The following SMIM14 variants were observed in gnomAD, a reference collection of about 807,000 sequenced individuals.
The protein encoded by SMIM14 is small integral membrane protein 14.
In SMIM14, 5 loss-of-function variants were observed where a neutral mutation model predicts 12.6. The ratio of observed to expected loss-of-function variants is 0.40; its 90% confidence interval spans 0.21 to 0.83. The LOEUF is 0.83. Among genes scored for constraint, SMIM14 ranks in the 40% least tolerant of loss-of-function variants. The probability of loss-of-function intolerance (pLI) is 0.37; values close to 1 mark genes in which losing one functional copy is unlikely to be tolerated. For missense variants in SMIM14, 86 were observed against 119.1 expected, an observed-to-expected ratio of 0.72 and a Z score of 1.29; for synonymous variants, 30 against 40.1, an observed-to-expected ratio of 0.75 and a Z score of 0.95.
At chr4:39,578,883 C>A (rs1713341308) in intron 2 of SMIM14, among the ~76,000 whole-genome samples, 1 of 151,572 alleles carries the variant, frequency 6.6e-6, no homozygotes, top group Admixed American at 6.6e-5. Flanking sequence ...GTAATCCCAG[C>A]TACTCGGGAG....
At chr4:39,583,853 T>A (rs1713641369) in intron 2 of SMIM14, 1 of 152,134 alleles carries the variant, frequency 6.6e-6, no homozygotes, top group Non-Finnish European at 1.5e-5. Context: ...TGCACCAGTA[T>A]TTCATTTAAT....
rs1191672357 is a variant in SMIM14 at position 39,549,659 on chromosome 4, G to C, written c.*2467C>G. 1 of 152,210 alleles carries C rather than the reference G, an allele frequency of 6.6e-6. No individual in the cohort carries two copies. The highest frequency in any genetic ancestry group is 1.5e-5 in the Non-Finnish European group (1 of 68,034). 9.4% of individuals were successfully genotyped at this position (152,210 alleles called of 1,614,324 possible). On this transcript the variant is annotated 3_prime_UTR_variant, in exon 5 of 5. Coordinates refer to ENST00000295958, the MANE Select transcript of SMIM14 (RefSeq NM_174921.3). ...TGCCAGGGATTGGCCTAACAGCTCAGAGAACAGATTGTTAGGATATATGGG... is the reference window on the plus strand; with the variant it reads ...TGCCAGGGATTGGCCTAACAGCTCACAGAACAGATTGTTAGGATATATGGG...
In SMIM14 at chr4:39,571,392, A is replaced by C. The variant is rs149601339; in HGVS notation, c.124+1023T>G. Among the ~76,000 whole-genome samples, 452 of 152,166 alleles carry C rather than the reference A, an allele frequency of 3.0e-3. 4 individuals carry two copies. The highest frequency in any genetic ancestry group is 0.01 in the African/African-American group (426 of 41,540). ...CAGGAGTTTAAGACCCATGTGGGCA[A>C]CATGGGAAGACCGTGACTCTACAAA... On this transcript the variant is annotated intron_variant, in intron 3 of 4. Coordinates refer to ENST00000295958, the MANE Select transcript of SMIM14 (RefSeq NM_174921.3).
intron 2 of SMIM14, among the ~76,000 whole-genome samples, chr4:39,577,917 T>G (rs1004376441): frequency 2.6e-5 from 4 of 152,138 alleles, no homozygotes; most frequent in Non-Finnish European, 5.9e-5. Context: ...GACGGCTACA[T>G]TCCTCATATT....
intron 3 of SMIM14, among the ~76,000 whole-genome samples, chr4:39,563,914 C>T (rs1712446514): frequency 6.6e-6 from 1 of 151,222 alleles, no homozygotes; most frequent in African/African-American, 2.4e-5. Flanking sequence ...CCTTCTCTTC[C>T]TCTTCTTCTT....
intron 3 of SMIM14, among the ~76,000 whole-genome samples, chr4:39,563,032 C>T (rs1712395195): frequency 6.6e-6 from 1 of 151,910 alleles, no homozygotes; most frequent in African/African-American, 2.4e-5. Context: ...AAAATGCATC[C>T]TCTGCTCTAG....
rs1157001478 is a variant in SMIM14, at chr4:39,615,926, T to C, written c.-35-10746A>G. ...TCTGAATTGTGGATTACTGAAAATT[T>C]AAAAAACTATAAAGAACCCAAATGT... On this transcript the variant is annotated intron_variant, in intron 1 of 4. Transcript: ENST00000295958. 2.6e-5 allele frequency among the ~76,000 whole-genome samples: 4 copies of C among 152,188 alleles called. No homozygotes were observed. The East Asian group carries it at 7.7e-4, about 29-fold the overall frequency.
At chr4:39,560,250 C>CTTTTTTTTTTTTT (rs773257583) in intron 3 of SMIM14, among the ~76,000 whole-genome samples, 1 of 140,760 alleles carries the variant, frequency 7.1e-6, no homozygotes, top group Non-Finnish European at 1.5e-5. Context: ...CTTTTCTTTT[C>CTTTTTTTTTTTTT]TTTTTTTTTT....
chr4:39,615,669 A>C (rs144569363), intron 1 of SMIM14, among the ~76,000 whole-genome samples: 24 of 152,294 alleles, frequency 1.6e-4, no homozygotes, highest in African/African-American at 5.8e-4. Flanking sequence ...TTTCCTGTGA[A>C]CCTAAAACTG....
intron 1 of SMIM14, chr4:39,638,034 G>C (rs1200921399): frequency 6.6e-6 from 1 of 152,138 alleles, no homozygotes; most frequent in Admixed American, 6.6e-5. Context: ...AAACCATCTC[G>C]GCTAAAATCC....
At chr4:39,572,035 C>T (rs1712917545) in intron 3 of SMIM14, among the ~76,000 whole-genome samples, 2 of 151,926 alleles carry the variant, frequency 1.3e-5, no homozygotes, top group South Asian at 4.1e-4. Flanking sequence ...AACTCCTGGA[C>T]TCAAACGATC....
intron 3 of SMIM14, among the ~76,000 whole-genome samples, chr4:39,563,069 A>AT (rs998773886): frequency 2.7e-5 from 4 of 149,688 alleles, no homozygotes; most frequent in Admixed American, 6.6e-5. Flanking sequence ...TCTTTTTTTT[A>AT]TTTTTTTTGA....
intron 1 of SMIM14, among the ~76,000 whole-genome samples, chr4:39,634,997 A>C (rs976399027): frequency 1.3e-5 from 2 of 152,254 alleles, no homozygotes; most frequent in African/African-American, 4.8e-5. Context: ...TAGGAGACGG[A>C]ACATTTTTTT....
In SMIM14 at chr4:39,581,006, C is replaced by G. The variant is rs183293119; in HGVS notation, c.76-8543G>C. ...TTTTCACATCATTGCAATATTATAG[C>G]TAATATCACGTGCTTAATTAAGAAA... On this transcript the variant is annotated intron_variant, in intron 2 of 4. Coordinates refer to ENST00000295958, the MANE Select transcript of SMIM14 (RefSeq NM_174921.3). Among the ~76,000 whole-genome samples the G allele has an allele frequency of 8.3e-4, 126 of 152,186 alleles. 5 individuals are homozygous for G. In the East Asian group the frequency reaches 0.015, roughly 18 times the overall value.
intron 1 of SMIM14, among the ~76,000 whole-genome samples, chr4:39,615,509 T>C (rs926587740): frequency 2.0e-5 from 3 of 152,160 alleles, no homozygotes; most frequent in African/African-American, 7.2e-5. Context: ...TGAACCCTAA[T>C]GTAAACTATG....
chr4:39,594,351 T>G (rs1241610598), intron 2 of SMIM14: 1 of 152,224 alleles, frequency 6.6e-6, no homozygotes, highest in Non-Finnish European at 1.5e-5. Context: ...GCTAGCCATA[T>G]GTAGAAAGCT....
intron 1 of SMIM14, among the ~76,000 whole-genome samples, chr4:39,628,021 A>T (rs886109175): frequency 6.6e-6 from 1 of 152,208 alleles, no homozygotes; most frequent in African/African-American, 2.4e-5. Context: ...TTAATCCTAA[A>T]AAAAAGGCTA....
chr4:39,556,856 T>C lies in SMIM14; in HGVS notation c.125-286A>G, dbSNP rs899356950. Among the ~76,000 whole-genome samples the C allele has an allele frequency of 9.9e-5, 15 of 152,154 alleles. 1 individual carries two copies. In the East Asian group the frequency reaches 2.9e-3, roughly 29 times the overall value. The stretch of plus-strand genomic sequence containing the variant: ...AGGCTGGAGTGCGGTGGCACAACCA[T>C]AGCTCACTACAGCCTTAACCTTCTA... On this transcript the variant is annotated intron_variant, in intron 3 of 4. Transcript: ENST00000295958.
intron 2 of SMIM14, among the ~76,000 whole-genome samples, chr4:39,579,819 G>C (rs1382367616): frequency 2.0e-5 from 3 of 146,938 alleles, no homozygotes; most frequent in Non-Finnish European, 3.0e-5. Flanking sequence ...ACTCCAGCCT[G>C]GGTGACAGAG....
Sources: allele counts gnomAD v4.1 joint callset (sites outside exome capture counted in the v4.1 genomes callset), GRCh38; gene constraint gnomAD v4.1.1; transcripts MANE v1.5; gene names NCBI Gene and HGNC (gene_info 2026-07-23, HGNC 2026-07-21).